Variants in COX6B1 observed in about 807,000 individuals in gnomAD.
The protein encoded by COX6B1 is cytochrome c oxidase subunit 6B1, also known as COX VIb-1.
In COX6B1, 2 loss-of-function variants were observed where a neutral mutation model predicts 14.0. The observed-to-expected ratio is 0.14, with a 90% CI of 0.06 to 0.45. COX6B1 has a LOEUF of 0.45. Ranked by LOEUF, COX6B1 falls within the 20% of genes least tolerant of loss-of-function variation. COX6B1 has a pLI of 0.98. For synonymous variants in COX6B1, 30 were observed against 39.7 expected (o/e 0.76, Z 0.92); for missense variants, 81 against 114.2 (o/e 0.71, Z 1.33).
intron 3 of COX6B1, among the ~76,000 whole-genome samples, chr19:35,657,650 ATTTTTTTTTTTTTT>A: frequency 8.7e-6 from 1 of 115,530 alleles, no homozygotes; most frequent in East Asian, 2.4e-4. Flanking sequence ...GGGCCTTTTC[ATTTTTTTTTTTTTT>A]TTTTTTTTAG....
intron 3 of COX6B1, among the ~76,000 whole-genome samples, chr19:35,655,925 T>A (rs879341711): frequency 5.9e-5 from 9 of 152,048 alleles, no homozygotes; most frequent in Non-Finnish European, 1.0e-4. Context: ...TAGCATGATC[T>A]CAGCTCACTG....
At chr19:35,649,304 C>G (rs1232922578) in intron 1 of COX6B1, among the ~76,000 whole-genome samples, 3 of 151,926 alleles carry the variant, frequency 2.0e-5, no homozygotes, top group Non-Finnish European at 4.4e-5. Flanking sequence ...CAATGAAAAT[C>G]ATAGACATTC....
At chr19:35,651,839 A>G (rs1045964989) in intron 2 of COX6B1, among the ~76,000 whole-genome samples, 1 of 152,014 alleles carries the variant, frequency 6.6e-6, no homozygotes, top group Non-Finnish European at 1.5e-5. Flanking sequence ...TGTTGGGATT[A>G]TAGGTGTGAG....
At chr19:35,653,991 A>G (rs1967860046) in intron 2 of COX6B1, among the ~76,000 whole-genome samples, 2 of 152,164 alleles carry the variant, frequency 1.3e-5, no homozygotes, top group Non-Finnish European at 1.5e-5. Context: ...GGCCTGAGCC[A>G]CCATGCCCGG....
At chr19:35,649,839 C>T (rs554022427) in intron 1 of COX6B1, among the ~76,000 whole-genome samples, 1 of 152,084 alleles carries the variant, frequency 6.6e-6, no homozygotes, top group South Asian at 2.1e-4. Context: ...CCAGGCTGGT[C>T]TTGAACTCCT....
chr19:35,654,529 C>G, intron 2 of COX6B1, 42 bp from the exon 3 acceptor site: 8 of 1,555,526 alleles, frequency 5.1e-6, no homozygotes, highest in Non-Finnish European at 7.1e-6. Context: ...AAAATGTGTT[C>G]CAACTCTTGA....
intron 2 of COX6B1, among the ~76,000 whole-genome samples, chr19:35,653,160 A>G (rs1744306169): frequency 1.4e-5 from 2 of 144,738 alleles, no homozygotes; most frequent in Admixed American, 1.4e-4. Flanking sequence ...TTTTTAGTAG[A>G]GACAGGGTTT....
At chr19:35,655,428 A>C (rs1263890048) in intron 3 of COX6B1, among the ~76,000 whole-genome samples, 1 of 152,092 alleles carries the variant, frequency 6.6e-6, no homozygotes, top group African/African-American at 2.4e-5. Flanking sequence ...CGGTTTCTTC[A>C]TCTACCCCTT....
chr19:35,655,618 G>GT (rs1967879687), intron 3 of COX6B1, among the ~76,000 whole-genome samples: 1 of 118,860 alleles, frequency 8.4e-6, no homozygotes. Flanking sequence ...CCTGCCCTTT[G>GT]TTTAAAAAAA....
At chr19:35,648,936 C>A (rs746342403) in intron 1 of COX6B1, 2 of 533,390 alleles carry the variant, frequency 3.7e-6, no homozygotes, top group South Asian at 2.8e-5. Flanking sequence ...TGCGTCTGTG[C>A]CCCAGCAGCT....
At chr19:35,648,535 C>T (rs532477873) in intron 1 of COX6B1, 132 bp downstream of exon 1, 125 of 301,070 alleles carry the variant, frequency 4.2e-4, no homozygotes, top group African/African-American at 2.6e-3. Context: ...GGGCCCTGTT[C>T]TGTTCATCGT....
intron 3 of COX6B1, 100 bp from the exon 4 acceptor site, chr19:35,658,494 T>G: frequency 2.0e-6 from 2 of 1,016,496 alleles, no homozygotes; most frequent in Non-Finnish European, 3.1e-6. Context: ...CAGGTACCTG[T>G]GGATATTGGT....
At chr19:35,651,532 A>AT (rs531589771) in intron 2 of COX6B1, among the ~76,000 whole-genome samples, 183 bp downstream of exon 2, 17 of 150,054 alleles carry the variant, frequency 1.1e-4, no homozygotes, top group South Asian at 4.2e-4. Flanking sequence ...TCCTGCAATG[A>AT]TTTTTTTTTT....
chr19:35,658,621 G>A lies in COX6B1; in HGVS notation c.235G>A (p.Glu79Lys), dbSNP rs990790426. Reference protein sequence around the residue: ...WVTDWDEQRAEGTFPGKI With the variant: ...WVTDWDEQRAKGTFPGKI ...CACAGACTGGGATGAGCAACGGGCTGAAGGCACGTTTCCCGGGAAGATCTG... is the reference window on the plus strand; with the variant it reads ...CACAGACTGGGATGAGCAACGGGCTAAAGGCACGTTTCCCGGGAAGATCTG... Residue 79 changes from glutamate to lysine, a missense_variant, in exon 4 of 4, where the codon GAA becomes AAA. Coordinates refer to ENST00000649813, the MANE Select transcript of COX6B1 (RefSeq NM_001863.5). The A allele has an allele frequency of 4.3e-6, 7 of 1,614,082 alleles. No individual in the cohort carries two copies. The highest frequency in any genetic ancestry group is 1.7e-5 in the Admixed American group (1 of 59,996).
At chr19:35,657,850 T>C (rs1967904333) in intron 3 of COX6B1, among the ~76,000 whole-genome samples, 1 of 151,660 alleles carries the variant, frequency 6.6e-6, no homozygotes, top group Non-Finnish European at 1.5e-5. Context: ...AGAGACAGGG[T>C]TTTGCCACAT....
At chr19:35,656,481 T>C (rs1227508701) in intron 3 of COX6B1, among the ~76,000 whole-genome samples, 1 of 80,840 alleles carries the variant, frequency 1.2e-5, no homozygotes, top group African/African-American at 7.6e-5. Flanking sequence ...TGTTAGACCT[T>C]TTTTTTTTTT....
At chr19:35,652,584 G>T (rs550574986) in intron 2 of COX6B1, among the ~76,000 whole-genome samples, 1 of 150,802 alleles carries the variant, frequency 6.6e-6, no homozygotes, top group South Asian at 2.1e-4. Context: ...ACAGGCACCC[G>T]CCACCATGCC....
chr19:35,650,569 A>G lies in COX6B1; in HGVS notation c.-11-664A>G, dbSNP rs1330051198. Among the ~76,000 whole-genome samples the G allele has an allele frequency of 2.0e-5, 3 of 152,206 alleles. No homozygotes were observed. In the South Asian group the frequency reaches 6.2e-4, roughly 32 times the overall value. On this transcript the variant is annotated intron_variant, in intron 1 of 3. Coordinates refer to ENST00000649813, the MANE Select transcript of COX6B1 (RefSeq NM_001863.5). ...TAAAATACAAAAAAATTAGCAGGGC[A>G]TGGTGGCAGGCGCCTGTAATCTCAG...
chr19:35,657,438 C>T (rs1183768211), intron 3 of COX6B1, among the ~76,000 whole-genome samples: 1 of 152,066 alleles, frequency 6.6e-6, no homozygotes, highest in Non-Finnish European at 1.5e-5. Flanking sequence ...CTGCCACTCA[C>T]TTCCAGCTGT....
Sources: allele counts gnomAD v4.1 joint callset (sites outside exome capture counted in the v4.1 genomes callset), GRCh38; gene constraint gnomAD v4.1.1; transcripts MANE v1.5; gene names NCBI Gene and HGNC (gene_info 2026-07-23, HGNC 2026-07-21).